The following AOAH variants were observed in gnomAD, a reference collection of about 807,000 sequenced individuals.
The protein encoded by AOAH is acyloxyacyl hydrolase (neutrophil).
In AOAH, 64 loss-of-function variants were observed where a neutral mutation model predicts 92.2. The observed-to-expected ratio is 0.69, with a 90% CI of 0.57 to 0.86. The LOEUF (loss-of-function observed/expected upper bound fraction) is 0.86, where lower values mean the gene tolerates loss of function less well. AOAH is among the 40% of genes least tolerant of loss of function. The pLI, the probability that AOAH is intolerant of heterozygous loss-of-function variation, is 0.00. For missense variants in AOAH, 656 were observed against 694.6 expected, an observed-to-expected ratio of 0.94 and a Z score of 0.62; for synonymous variants, 263 against 254.5, an observed-to-expected ratio of 1.03 and a Z score of -0.32.
chr7:36,611,390 CG>C (rs2115876601), intron 11 of AOAH, among the ~76,000 whole-genome samples: 1 of 152,288 alleles, frequency 6.6e-6, no homozygotes, highest in South Asian at 2.1e-4. Context: ...ACTGCCAAAA[CG>C]TAGGAGTGGG....
intron 1 of AOAH, among the ~76,000 whole-genome samples, chr7:36,721,711 G>C (rs1799640119): frequency 6.6e-6 from 1 of 152,172 alleles, no homozygotes. Flanking sequence ...ATGAGAATTT[G>C]TATGGGCAAC....
intron 2 of AOAH, among the ~76,000 whole-genome samples, chr7:36,677,168 A>G (rs1170233002): frequency 6.6e-6 from 1 of 152,206 alleles, no homozygotes; most frequent in African/African-American, 2.4e-5. Flanking sequence ...ATGGGAGAAA[A>G]TTTTTGCCAA....
chr7:36,527,948 C>A (rs529813275), intron 19 of AOAH, among the ~76,000 whole-genome samples: 4 of 152,188 alleles, frequency 2.6e-5, no homozygotes, highest in Admixed American at 1.3e-4. Context: ...TTTGCAGTAC[C>A]TGACTCTGAG....
rs143433816 is a variant in AOAH, at chr7:36,720,270, T to C, written c.127+3752A>G. Among the ~76,000 whole-genome samples the C allele has an allele frequency of 2.2e-3, 332 of 151,976 alleles. 3 individuals are homozygous for C. The highest frequency in any genetic ancestry group is 7.8e-3 in the African/African-American group (322 of 41,480). ...GTTCAAGCGATTCTTCTGCCTCAGCTCCCTGAGTAGCTGGGACTACAGGCA... is the reference window on the plus strand; with the variant it reads ...GTTCAAGCGATTCTTCTGCCTCAGCCCCCTGAGTAGCTGGGACTACAGGCA... On this transcript the variant is annotated intron_variant, in intron 1 of 20. Transcript: ENST00000617537.
intron 1 of AOAH, among the ~76,000 whole-genome samples, chr7:36,688,875 G>A (rs1243542294): frequency 6.6e-6 from 1 of 151,780 alleles, no homozygotes; most frequent in African/African-American, 2.4e-5. Context: ...CTATACACAT[G>A]TATATGGGTA....
chr7:36,540,660 C>G (rs903684085), intron 15 of AOAH, among the ~76,000 whole-genome samples, 169 bp from the exon 16 acceptor site: 1 of 152,246 alleles, frequency 6.6e-6, no homozygotes. Flanking sequence ...CTTTCTGACA[C>G]ATAGGCTGTA....
At position 36,659,277 on chromosome 7, in the gene AOAH, CGGT is replaced by C; in HGVS notation, c.291-15_291-13del. ...TATCTGCGCTAAGCCTGGAGGGAAA[CGGT>C]GCAAAACAAAGGCTATTCAGATCTC... is the stretch of plus-strand genomic sequence containing the variant. On this transcript the variant is annotated splice_polypyrimidine_tract_variant and intron_variant, in intron 3 of 20. Coordinates refer to ENST00000617537, the MANE Select transcript of AOAH (RefSeq NM_001637.4). 2 of 1,605,376 alleles carry C rather than the reference CGGT, an allele frequency of 1.2e-6. No individual in the cohort carries two copies. The highest frequency in any genetic ancestry group is 1.7e-6 in the Non-Finnish European group (2 of 1,172,134).
intron 11 of AOAH, among the ~76,000 whole-genome samples, chr7:36,605,436 CAT>C (rs964372336): frequency 9.2e-5 from 14 of 152,160 alleles, no homozygotes; most frequent in African/African-American, 3.4e-4. Flanking sequence ...AGGTGACAGA[CAT>C]AATTAACCAG....
chr7:36,618,261 T>TATCA (rs1792035534), intron 10 of AOAH, 36 bp downstream of exon 10: 1 of 1,588,916 alleles, frequency 6.3e-7, no homozygotes, highest in African/African-American at 1.3e-5. Context: ...AAAGAATATC[T>TATCA]ATCATTATAA....
chr7:36,590,709 G>A (rs1789681702), intron 12 of AOAH, among the ~76,000 whole-genome samples: 1 of 152,236 alleles, frequency 6.6e-6, no homozygotes, highest in African/African-American at 2.4e-5. Context: ...CAGTTGAATA[G>A]AGAAATCCGC....
At chr7:36,560,842 T>C (rs1329833323) in intron 13 of AOAH, among the ~76,000 whole-genome samples, 1 of 152,212 alleles carries the variant, frequency 6.6e-6, no homozygotes, top group Non-Finnish European at 1.5e-5. Context: ...CTAGGAATTA[T>C]TAAAATGCAC....
At chr7:36,664,846 G>T (rs575511191) in intron 3 of AOAH, among the ~76,000 whole-genome samples, 2 of 152,290 alleles carry the variant, frequency 1.3e-5, no homozygotes, top group African/African-American at 4.8e-5. Context: ...CAATCATGGT[G>T]GAAGGAAAAG....
At chr7:36,719,313 C>T (rs1429170603) in intron 1 of AOAH, among the ~76,000 whole-genome samples, 1 of 152,142 alleles carries the variant, frequency 6.6e-6, no homozygotes, top group East Asian at 1.9e-4. Context: ...GGCATCACTC[C>T]AATTAGTCCA....
At chr7:36,677,227 T>C (rs1013324707) in intron 2 of AOAH, among the ~76,000 whole-genome samples, 2 of 152,148 alleles carry the variant, frequency 1.3e-5, no homozygotes, top group South Asian at 2.1e-4. Flanking sequence ...AAAGGACTAT[T>C]ACAACTCAAT....
rs751058765 is a variant in AOAH at position 36,623,277 on chromosome 7, G to C, written c.522-27C>G. The C allele has an allele frequency of 9.4e-6, 15 of 1,604,210 alleles. 1 individual carries two copies. In the South Asian group the frequency reaches 1.3e-4, roughly 14 times the overall value. On this transcript the variant is annotated intron_variant, in intron 6 of 20. Transcript: ENST00000617537. The stretch of plus-strand genomic sequence containing the variant: ...TAGGAAAAAGAAAACAAAACAATCG[G>C]TGAGCTAACAAAAAAAGTAACAGTG...
At chr7:36,696,935 T>C (rs1252488039) in intron 1 of AOAH, among the ~76,000 whole-genome samples, 1 of 152,020 alleles carries the variant, frequency 6.6e-6, no homozygotes, top group African/African-American at 2.4e-5. Flanking sequence ...GTTCTAGTAG[T>C]TTTTTTTGTA....
intron 11 of AOAH, among the ~76,000 whole-genome samples, chr7:36,601,839 TC>T (rs1790630957): frequency 1.3e-5 from 2 of 152,156 alleles, no homozygotes; most frequent in South Asian, 4.1e-4. Flanking sequence ...GGGAAATAGT[TC>T]CAGTATTGCT....
intron 5 of AOAH, among the ~76,000 whole-genome samples, chr7:36,634,763 C>T (rs1483161541): frequency 6.6e-6 from 1 of 152,162 alleles, no homozygotes; most frequent in Non-Finnish European, 1.5e-5. Context: ...GTCTAATTCT[C>T]CTAACAACAG....
intron 1 of AOAH, among the ~76,000 whole-genome samples, chr7:36,693,780 T>C (rs1797547164): frequency 6.6e-6 from 1 of 152,222 alleles, no homozygotes; most frequent in Non-Finnish European, 1.5e-5. Flanking sequence ...ACTTTTTAAT[T>C]GGTACCTATG....
Sources: gnomAD v4.1 joint callset for allele counts (sites outside exome capture counted in the v4.1 genomes callset) on GRCh38, gnomAD v4.1.1 for gene constraint, MANE v1.5 for transcripts, NCBI Gene and HGNC (gene_info 2026-07-23, HGNC 2026-07-21) for gene names.